The following METTL2A variants were observed in gnomAD, a reference collection of about 807,000 sequenced individuals.
METTL2A encodes tRNA N(3)-cytidine methyltransferase METTL2A.
A neutral mutation model predicts 49.4 loss-of-function variants in METTL2A; 45 were observed. That is an observed-to-expected ratio of 0.91 (90% CI 0.72 to 1.17). The LOEUF (loss-of-function observed/expected upper bound fraction) is 1.17, where lower values mean the gene tolerates loss of function less well. Ranked by LOEUF, METTL2A falls within the 50% of genes most tolerant of loss-of-function variation. METTL2A has a pLI of 0.00. For synonymous variants in METTL2A, 118 were observed against 167.5 expected (o/e 0.70, Z 2.28); for missense variants, 361 against 462.2 (o/e 0.78, Z 2.01).
At chr17:62,425,926 G>A (rs1439707532) in intron 2 of METTL2A, among the ~76,000 whole-genome samples, 1 of 151,386 alleles carries the variant, frequency 6.6e-6, no homozygotes, top group African/African-American at 2.4e-5. Context: ...GCATGAACCC[G>A]GGAGGTGGAG....
At chr17:62,428,540 C>G (rs1311033064) in intron 4 of METTL2A, among the ~76,000 whole-genome samples, 1 of 152,216 alleles carries the variant, frequency 6.6e-6, no homozygotes, top group African/African-American at 2.4e-5. Flanking sequence ...TTCTGCCCTA[C>G]AGGCTGTAAA....
intron 4 of METTL2A, among the ~76,000 whole-genome samples, chr17:62,428,404 G>A (rs1023332077): frequency 4.6e-5 from 7 of 152,124 alleles, no homozygotes; most frequent in Non-Finnish European, 1.0e-4. Flanking sequence ...AAAACAGCTG[G>A]GTGTCCTACA....
chr17:62,430,224 T>A (rs2070655442), intron 4 of METTL2A, among the ~76,000 whole-genome samples: 1 of 152,206 alleles, frequency 6.6e-6, no homozygotes, highest in African/African-American at 2.4e-5. Context: ...ATTGTTCTGC[T>A]CTTGAAGTTA....
chr17:62,435,109 A>T (rs1457011477), intron 4 of METTL2A, 123 bp from the exon 5 acceptor site: 3 of 1,412,018 alleles, frequency 2.1e-6, no homozygotes, highest in African/African-American at 1.4e-5. Context: ...TGACTAATAG[A>T]TACAGTTTAT....
chr17:62,436,610 T>C (rs1655749415), intron 5 of METTL2A, among the ~76,000 whole-genome samples: 3 of 152,162 alleles, frequency 2.0e-5, no homozygotes, highest in Admixed American at 2.0e-4. Context: ...AATAATCATC[T>C]AAACCTTCAG....
At chr17:62,443,850 T>A (rs1216721891) in intron 6 of METTL2A, among the ~76,000 whole-genome samples, 1 of 151,978 alleles carries the variant, frequency 6.6e-6, no homozygotes, top group Non-Finnish European at 1.5e-5. Flanking sequence ...CCTTGGCCGT[T>A]TTTTTGTTTT....
intron 5 of METTL2A, among the ~76,000 whole-genome samples, chr17:62,435,665 G>A (rs2070695744): frequency 6.6e-6 from 1 of 152,082 alleles, no homozygotes; most frequent in African/African-American, 2.4e-5. Flanking sequence ...TACTTGGTTT[G>A]GGGTTCCACA....
At position 62,444,903 on chromosome 17, in the gene METTL2A, T is replaced by C. The variant is rs369444950; in HGVS notation, c.876T>C (p.Asp292=). The C allele has an allele frequency of 3.1e-6, 5 of 1,613,954 alleles. No individual in the cohort carries two copies. The highest frequency in any genetic ancestry group is 3.4e-6 in the Non-Finnish European group (4 of 1,179,942). Residue 292 remains aspartate, a synonymous_variant, in exon 7 of 9, where the codon GAT becomes GAC. Coordinates refer to ENST00000311506, the MANE Select transcript of METTL2A (RefSeq NM_181725.4). The stretch of plus-strand genomic sequence containing the variant: ...CTGGCGGGATGATGCTTCTGCGAGA[T>C]TACGGCCGCTATGACATGGCTCAGC... The part of the protein sequence containing the change: ...LKPGGMMLLR[D]YGRYDMAQLR...
intron 5 of METTL2A, among the ~76,000 whole-genome samples, chr17:62,438,697 G>A (rs1315823934): frequency 1.3e-5 from 2 of 151,992 alleles, no homozygotes; most frequent in African/African-American, 4.8e-5. Flanking sequence ...GAATATTGAA[G>A]CCTACCTTTA....
chr17:62,424,166 C>G, intron 1 of METTL2A, 53 bp from the exon 2 acceptor site: 1 of 1,613,180 alleles, frequency 6.2e-7, no homozygotes, highest in South Asian at 1.1e-5. Flanking sequence ...AGCGACTCAC[C>G]CTGCCCGCAG....
rs1195695129 is a variant in METTL2A, at chr17:62,447,759, C to T, written c.975C>T (p.Phe325=). ...GTGATGGAACCAGAGTTTACTTCTT[C>T]ACACAAGGTATGAAACACCCATCTT... is the stretch of plus-strand genomic sequence containing the variant. ...VRGDGTRVYF[F]TQEELDTLFT... is the part of the protein sequence containing the mutation. The change falls in exon 8 of 9, where the codon TTC becomes TTT. Residue 325 remains phenylalanine (F), a synonymous_variant. Coordinates refer to ENST00000311506, the MANE Select transcript of METTL2A (RefSeq NM_181725.4). The T allele has an allele frequency of 2.5e-6, 4 of 1,614,072 alleles. No individual in the cohort carries two copies. Among genetic ancestry groups the T allele is most frequent in the African/African-American group, 2.7e-5 (2 of 74,940 alleles).
rs1180496755 is a variant in METTL2A at position 62,447,767 on chromosome 17, G to T, written c.982+1G>T. 1.2e-6 allele frequency: 2 copies of T among 1,614,172 alleles called. No individual in the cohort carries two copies. Among genetic ancestry groups the T allele is most frequent in the Non-Finnish European group, 8.5e-7 (1 of 1,179,990 alleles). ...ACCAGAGTTTACTTCTTCACACAAG[G>T]TATGAAACACCCATCTTTTTACACT... On this transcript the variant is annotated splice_donor_variant, in intron 8 of 8. Coordinates refer to ENST00000311506, the MANE Select transcript of METTL2A (RefSeq NM_181725.4). LOFTEE classifies it high-confidence loss of function.
rs1163817716 is a variant in METTL2A at position 62,452,138 on chromosome 17, G to A, written c.*3409G>A. On this transcript the variant is annotated 3_prime_UTR_variant, in exon 9 of 9. Transcript: ENST00000311506. ...TGTGTCTCAGTCTCCTTCAGTCTAC[G>A]GGTTAGGCTTGCTTTTGCACCTTTG... Among the ~76,000 whole-genome samples, 4 of 152,196 alleles carry A rather than the reference G, an allele frequency of 2.6e-5. No individual in the cohort carries two copies. The highest frequency in any genetic ancestry group is 7.2e-5 in the African/African-American group (3 of 41,448).
chr17:62,424,523 A>G (rs1205304397), intron 2 of METTL2A, among the ~76,000 whole-genome samples: 1 of 152,154 alleles, frequency 6.6e-6, no homozygotes, highest in Non-Finnish European at 1.5e-5. Context: ...TTTTATATAT[A>G]GTTTTACTTT....
rs373049093 is a variant in METTL2A, at chr17:62,435,237, C to A, written c.614C>A (p.Pro205Gln). The change falls in exon 5 of 9, where the codon CCA becomes CAA. Residue 205 changes from proline to glutamine, a missense_variant. Around this residue, in one of 3 missense-constraint regions of METTL2A, gnomAD observed 183 missense variants for 216.5 expected, o/e 0.85. Transcript: ENST00000311506. ...GTCTTTTCTGCCCATTTCAGTGACC[C>A]AGGACTCTTTGTTTATTGCTGTGAT... Reference protein sequence around the residue: ...VFPILQTNNDPGLFVYCCDFS... With the variant: ...VFPILQTNNDQGLFVYCCDFS... 13 of 1,613,812 alleles carry A rather than the reference C, an allele frequency of 8.1e-6. No homozygotes were observed. The African/African-American group carries it at 1.1e-4, about 13-fold the overall frequency.
At position 62,424,298 on chromosome 17, in the gene METTL2A, C is replaced by G; in HGVS notation, c.190C>G (p.Gln64Glu). 1.9e-6 allele frequency: 3 copies of G among 1,613,922 alleles called. No individual in the cohort carries two copies. The highest frequency in any genetic ancestry group is 2.5e-6 in the Non-Finnish European group (3 of 1,179,874). The stretch of plus-strand genomic sequence containing the variant: ...GGAGAACAGTATCCAGCGGGTGTGC[C>G]AGGAGAAACAAGGTGCGCTTAAATG... The part of the protein sequence containing the change: ...VQENSIQRVC[Q>E]EKQVDYEINA... The change falls in exon 2 of 9, where the codon CAG becomes GAG. Residue 64 changes from glutamine (Q) to glutamate (E), a missense_variant. Physicochemically the swap from Gln to Glu is conservative, Grantham distance 29. This residue lies in a region of METTL2A where 150 missense variants were observed against 170.1 expected (regional missense o/e 0.88). Transcript: ENST00000311506.
intron 4 of METTL2A, among the ~76,000 whole-genome samples, chr17:62,430,064 T>C (rs139150435): frequency 0.017 from 2,655 of 152,354 alleles, 81 homozygotes; most frequent in African/African-American, 0.059. Context: ...ATATAATATA[T>C]ACTTTGCCAA....
chr17:62,434,769 C>T (rs919569465), intron 4 of METTL2A: 1 of 175,216 alleles, frequency 5.7e-6, no homozygotes, highest in Non-Finnish European at 1.2e-5. Flanking sequence ...ATAGTGGGCT[C>T]TCAGTAGTGT....
intron 4 of METTL2A, among the ~76,000 whole-genome samples, chr17:62,434,364 A>C (rs2070686525): frequency 5.9e-5 from 9 of 152,166 alleles, no homozygotes; most frequent in Admixed American, 5.9e-4. Context: ...ACAGTTCAGC[A>C]GGAAGCAGAG....
Sources: gnomAD v4.1 joint callset for allele counts (sites outside exome capture counted in the v4.1 genomes callset) on GRCh38, gnomAD v4.1.1 for gene constraint, gnomAD v4.1.1 regional missense constraint, MANE v1.5 for transcripts, NCBI Gene and HGNC (gene_info 2026-07-23, HGNC 2026-07-21) for gene names.